MIPEP: variants seen among roughly 807,000 people sequenced by gnomAD.
MIPEP encodes the protein mitochondrial intermediate peptidase.
Under a neutral mutation model 90.3 loss-of-function variants are expected in MIPEP, and 79 were observed. That is an observed-to-expected ratio of 0.87 (90% CI 0.73 to 1.05). MIPEP has a LOEUF of 1.05. MIPEP is among the 50% of genes least tolerant of loss of function. The pLI is 0.00. For synonymous variants in MIPEP, 334 were observed against 315.8 expected, an observed-to-expected ratio of 1.06 and a Z score of -0.61; for missense variants, 940 against 905.6, an observed-to-expected ratio of 1.04 and a Z score of -0.49.
At chr13:23,881,611 G>A (rs943063) in intron 3 of MIPEP, 88 bp downstream of exon 3, 19 of 1,124,276 alleles carry the variant, frequency 1.7e-5, no homozygotes, top group Admixed American at 7.4e-5. Flanking sequence ...AGGGACAAGC[G>A]CTATGGACAA....
intron 14 of MIPEP, among the ~76,000 whole-genome samples, chr13:23,834,197 T>A (rs972480327): frequency 1.3e-5 from 2 of 152,162 alleles, no homozygotes; most frequent in Admixed American, 1.3e-4. Flanking sequence ...TCAGGCTCTA[T>A]CCGCACCCCC....
At chr13:23,738,819 T>C (rs1215716758) in intron 18 of MIPEP, among the ~76,000 whole-genome samples, 4 of 152,184 alleles carry the variant, frequency 2.6e-5, no homozygotes, top group African/African-American at 9.7e-5. Context: ...GTGTGTCAAC[T>C]GGGAGCCTGT....
rs1196088257 is a variant in MIPEP, at chr13:23,760,187, C to A, written c.1879G>T (p.Gly627Trp). 2 of 1,614,104 alleles carry A rather than the reference C, an allele frequency of 1.2e-6. No homozygotes were observed. Among genetic ancestry groups the A allele is most frequent in the South Asian group, 2.2e-5 (2 of 91,080 alleles). ...AWQLRFSHLV[G>W]YGARYYSYLM... ...TAAGAGTAATATCTAGCACCATACC[C>A]CACGAGGTGGCTGAATCGCAGCTGC... The change falls in exon 17 of 19, where the codon GGG becomes TGG. Residue 627 changes from glycine to tryptophan, a missense_variant. Physicochemically the swap from Gly to Trp is radical, Grantham distance 184. Transcript: ENST00000382172.
At chr13:23,817,642 G>T (rs760750216) in intron 14 of MIPEP, among the ~76,000 whole-genome samples, 1 of 152,038 alleles carries the variant, frequency 6.6e-6, no homozygotes, top group Non-Finnish European at 1.5e-5. Flanking sequence ...TTAAAATTCC[G>T]ATACCTGCAT....
chr13:23,776,556 C>T (rs1474511647), intron 16 of MIPEP, among the ~76,000 whole-genome samples: 1 of 152,148 alleles, frequency 6.6e-6, no homozygotes, highest in Admixed American at 6.5e-5. Context: ...TATATATCAT[C>T]CATCCTGAAA....
Position 23,835,177 on chromosome 13 carries a change from C to T in MIPEP, c.1653+1063G>A, listed in dbSNP as rs562189039. Among the ~76,000 whole-genome samples, 309 of 151,966 alleles carry T rather than the reference C, an allele frequency of 2.0e-3. 2 individuals are homozygous for T. Among genetic ancestry groups the T allele is most frequent in the African/African-American group, 7.4e-3 (305 of 41,452 alleles). ...CTGTGACTACAGGCATGTGCCACTG[C>T]GCCTGGCTAACTTTTGTATTTTTAG... On this transcript the variant is annotated intron_variant, in intron 14 of 18. Transcript: ENST00000382172.
intron 16 of MIPEP, among the ~76,000 whole-genome samples, chr13:23,768,985 T>C (rs1388075757): frequency 2.6e-5 from 4 of 152,174 alleles, no homozygotes; most frequent in African/African-American, 4.8e-5. Flanking sequence ...AAAGGTAACA[T>C]GGATCTAATT....
intron 14 of MIPEP, among the ~76,000 whole-genome samples, chr13:23,831,086 G>C (rs941685042): frequency 2.6e-5 from 4 of 152,136 alleles, no homozygotes; most frequent in African/African-American, 9.7e-5. Flanking sequence ...GACTACTCAG[G>C]GGCTGGGCTA....
chr13:23,834,669 CTCT>C (rs1409372294), intron 14 of MIPEP, among the ~76,000 whole-genome samples: 5 of 152,218 alleles, frequency 3.3e-5, no homozygotes, highest in Non-Finnish European at 7.3e-5. Context: ...AATGCCGCTT[CTCT>C]TTTTCCCAGA....
intron 18 of MIPEP, among the ~76,000 whole-genome samples, chr13:23,740,481 A>G (rs537378614): frequency 6.6e-6 from 1 of 151,810 alleles, no homozygotes; most frequent in East Asian, 1.9e-4. Flanking sequence ...AGTTGGTTCT[A>G]TTTCTTTCAA....
At chr13:23,762,583 T>G (rs545203129) in intron 16 of MIPEP, among the ~76,000 whole-genome samples, 1 of 152,292 alleles carries the variant, frequency 6.6e-6, no homozygotes, top group East Asian at 1.9e-4. Context: ...TAAGAAGATA[T>G]GATTGGAAGT....
At chr13:23,750,575 T>A (rs753947219) in intron 18 of MIPEP, among the ~76,000 whole-genome samples, 6 of 152,226 alleles carry the variant, frequency 3.9e-5, no homozygotes, top group Non-Finnish European at 5.9e-5. Context: ...GCATCACTGA[T>A]GCTGACCTTG....
At chr13:23,854,802 G>C (rs1251995681) in intron 10 of MIPEP, among the ~76,000 whole-genome samples, 1 of 151,886 alleles carries the variant, frequency 6.6e-6, no homozygotes, top group African/African-American at 2.4e-5. Context: ...TGAGGCAGGA[G>C]AATCACTTGA....
rs369192866 is a variant in MIPEP, at chr13:23,875,156, T to C, written c.540-247A>G. 4.7e-4 allele frequency among the ~76,000 whole-genome samples: 71 copies of C among 151,994 alleles called. 1 individual carries two copies. In the South Asian group the frequency reaches 0.015, roughly 31 times the overall value. ...ACTGACAATTATGATTGGCTTGTCATGTAAGAGCTTATTCCTTTATTCAGA... is the reference window on the plus strand; with the variant it reads ...ACTGACAATTATGATTGGCTTGTCACGTAAGAGCTTATTCCTTTATTCAGA... On this transcript the variant is annotated intron_variant, in intron 4 of 18. Transcript: ENST00000382172.
intron 16 of MIPEP, among the ~76,000 whole-genome samples, chr13:23,787,358 C>G (rs992963852): frequency 3.3e-5 from 5 of 151,646 alleles, no homozygotes; most frequent in African/African-American, 1.2e-4. Context: ...TGCATCCTCA[C>G]ATGGTAGGGT....
intron 16 of MIPEP, among the ~76,000 whole-genome samples, chr13:23,788,367 C>A (rs1166092695): frequency 1.3e-5 from 2 of 152,192 alleles, no homozygotes. Flanking sequence ...CTTGAGCATA[C>A]AACATGTCAT....
intron 14 of MIPEP, among the ~76,000 whole-genome samples, chr13:23,834,601 T>C (rs1353355507): frequency 6.6e-6 from 1 of 152,240 alleles, no homozygotes; most frequent in Non-Finnish European, 1.5e-5. Context: ...CTCTGTCCTA[T>C]GTCCTCAATA....
Position 23,855,066 on chromosome 13 carries a change from C to A in MIPEP, c.1106+3794G>T, listed in dbSNP as rs117336286. Among the ~76,000 whole-genome samples, 66 of 152,222 alleles carry A rather than the reference C, an allele frequency of 4.3e-4. 1 individual carries two copies. The East Asian group carries it at 0.012, about 28-fold the overall frequency. Reference sequence around the variant, plus strand: ...AACTTAAAAGTGGTGACTTCTGGGGCAGAGGTAGAGATGAGTATTCTCAAT... The same window carrying A: ...AACTTAAAAGTGGTGACTTCTGGGGAAGAGGTAGAGATGAGTATTCTCAAT... On this transcript the variant is annotated intron_variant, in intron 10 of 18. Coordinates refer to ENST00000382172, the MANE Select transcript of MIPEP (RefSeq NM_005932.4).
At chr13:23,779,884 C>G (rs1378756240) in intron 16 of MIPEP, among the ~76,000 whole-genome samples, 1 of 152,238 alleles carries the variant, frequency 6.6e-6, no homozygotes, top group Non-Finnish European at 1.5e-5. Flanking sequence ...TGAGATTGAT[C>G]TGCAAGGCAG....
Sources: allele counts gnomAD v4.1 joint callset (sites outside exome capture counted in the v4.1 genomes callset), GRCh38; gene constraint gnomAD v4.1.1; transcripts MANE v1.5; gene names NCBI Gene and HGNC (gene_info 2026-07-23, HGNC 2026-07-21).